EFCAB14: variants seen among roughly 807,000 people sequenced by gnomAD.
The protein encoded by EFCAB14 is EF-hand calcium-binding domain-containing protein 14.
Under a neutral mutation model 56.5 loss-of-function variants are expected in EFCAB14, and 43 were observed. That is an observed-to-expected ratio of 0.76 (90% CI 0.60 to 0.98). EFCAB14 has a LOEUF of 0.98. Ranked by LOEUF, EFCAB14 falls within the 50% of genes least tolerant of loss-of-function variation. The probability of loss-of-function intolerance (pLI) is 0.00; values close to 1 mark genes in which losing one functional copy is unlikely to be tolerated. For synonymous variants in EFCAB14, 235 were observed against 212.9 expected, an observed-to-expected ratio of 1.10 and a Z score of -0.90; for missense variants, 538 against 580.3, an observed-to-expected ratio of 0.93 and a Z score of 0.75.
intron 3 of EFCAB14, among the ~76,000 whole-genome samples, chr1:46,697,944 T>G (rs752329693): frequency 6.6e-6 from 1 of 150,952 alleles, no homozygotes; most frequent in Non-Finnish European, 1.5e-5. Flanking sequence ...CTCTGCCTCC[T>G]GGGTTCAAGT....
In EFCAB14 at chr1:46,688,438, T is replaced by C; in HGVS notation, c.902A>G (p.Asn301Ser). ...KLEGMNETVS[N>S]LTQRVNLIES... ...TATCAGGTTGACTCTCTGGGTAAGATTACTGACTGTCTCGTTCATTCCCTC... is the reference window on the plus strand; with the variant it reads ...TATCAGGTTGACTCTCTGGGTAAGACTACTGACTGTCTCGTTCATTCCCTC... Residue 301 changes from asparagine (N) to serine (S), a missense_variant, in exon 7 of 11, where the codon AAT becomes AGT. Asn to Ser is a conservative substitution (Grantham distance 46). Transcript: ENST00000371933. The C allele has an allele frequency of 6.2e-7, 1 of 1,614,046 alleles. No individual in the cohort carries two copies.
At chr1:46,696,294 A>C (rs1348915144) in intron 4 of EFCAB14, among the ~76,000 whole-genome samples, 1 of 152,184 alleles carries the variant, frequency 6.6e-6, no homozygotes, top group East Asian at 1.9e-4. Context: ...CAGAGAGCCA[A>C]ATAAAAAGGT....
intron 5 of EFCAB14, among the ~76,000 whole-genome samples, chr1:46,690,698 C>T (rs894478165): frequency 3.3e-5 from 5 of 152,072 alleles, no homozygotes; most frequent in Non-Finnish European, 5.9e-5. Context: ...AGTTACTCAG[C>T]GGCAGTTAGA....
At chr1:46,691,339 C>T (rs1398110492) in intron 5 of EFCAB14, among the ~76,000 whole-genome samples, 1 of 152,166 alleles carries the variant, frequency 6.6e-6, no homozygotes, top group African/African-American at 2.4e-5. Flanking sequence ...TTGTAGGCTG[C>T]ATTTAACTGA....
rs963782957 is a variant in EFCAB14, at chr1:46,719,046, G to T, written c.-959C>A. On this transcript the variant is annotated 5_prime_UTR_variant, in exon 1 of 11. Coordinates refer to ENST00000371933, the MANE Select transcript of EFCAB14 (RefSeq NM_014774.3). The surrounding 1 kb of genome is among the most constrained non-coding windows in gnomAD (Gnocchi z 4.0). ...CCGACACGTTGTTGTTGGCGTTGGT[G>T]GCGGCGGCTGCGGCGGCGGCGGCCG... 5 of 159,014 alleles carry T rather than the reference G, an allele frequency of 3.1e-5. No homozygotes were observed. The highest frequency in any genetic ancestry group is 1.7e-4 in the South Asian group (1 of 5,836). The allele number at this position is 159,014 out of a possible 1,614,324, so 9.9% of individuals were successfully genotyped here. A position where few individuals can be genotyped will look rare whatever the true frequency, so the allele number is the denominator to read the frequency against.
chr1:46,719,109 C>A lies in EFCAB14; in HGVS notation c.-1022G>T. The A allele has an allele frequency of 6.5e-6, 1 of 153,740 alleles. No homozygotes were observed. Among genetic ancestry groups the A allele is most frequent in the South Asian group, 1.9e-4 (1 of 5,374 alleles). 9.5% of individuals were successfully genotyped at this position (153,740 alleles called of 1,614,324 possible). On this transcript the variant is annotated 5_prime_UTR_variant, in exon 1 of 11. Coordinates refer to ENST00000371933, the MANE Select transcript of EFCAB14 (RefSeq NM_014774.3). This position sits in a 1 kb window ranked among gnomAD's most constrained non-coding sequence, Gnocchi z 4.0. ...CCGGGCCATCGCTCCAGCCCCAGAT[C>A]ACTTCCCCTTTGGCAGCGGCCGCCT...
chr1:46,701,345 T>A (rs1677154879), intron 3 of EFCAB14, among the ~76,000 whole-genome samples: 1 of 151,992 alleles, frequency 6.6e-6, no homozygotes, highest in South Asian at 2.1e-4. Context: ...CACAGTTGGT[T>A]CAAGATCAGT....
chr1:46,688,632 T>C, intron 6 of EFCAB14, 88 bp from the exon 7 acceptor site: 1 of 1,126,360 alleles, frequency 8.9e-7, no homozygotes, highest in Non-Finnish European at 1.3e-6. Flanking sequence ...CATTACTATG[T>C]CAAGTACTGA....
intron 5 of EFCAB14, among the ~76,000 whole-genome samples, chr1:46,690,463 T>C (rs1435661217): frequency 2.6e-5 from 4 of 152,112 alleles, no homozygotes; most frequent in Non-Finnish European, 2.9e-5. Flanking sequence ...GTTGTTTTCC[T>C]TGAAATCTGA....
intron 7 of EFCAB14, 89 bp downstream of exon 7, chr1:46,688,264 G>T: frequency 2.3e-6 from 3 of 1,283,546 alleles, no homozygotes; most frequent in Non-Finnish European, 2.2e-6. Context: ...TCTCAAATAT[G>T]CCAGAAGGCT....
intron 4 of EFCAB14, among the ~76,000 whole-genome samples, chr1:46,692,939 C>G (rs1006938142): frequency 3.9e-5 from 6 of 152,206 alleles, no homozygotes; most frequent in African/African-American, 1.4e-4. Context: ...CTCTCACAAA[C>G]TGCCTCTGTC....
chr1:46,704,555 T>A (rs1194561659), intron 3 of EFCAB14, among the ~76,000 whole-genome samples: 1 of 150,766 alleles, frequency 6.6e-6, no homozygotes, highest in Non-Finnish European at 1.5e-5. Context: ...AACAAGAAAG[T>A]GCCATGTATG....
Position 46,718,115 on chromosome 1 carries a change from G to A in EFCAB14, c.-28C>T, listed in dbSNP as rs1249868808. On this transcript the variant is annotated 5_prime_UTR_variant, in exon 1 of 11. Transcript: ENST00000371933. ...TTTTGTGTGGGGTGAGTGGAGCCCC[G>A]ACTCCTGAGCTGCCAGGTTCGTACC... 7.5e-6 allele frequency: 12 copies of A among 1,606,850 alleles called. No individual in the cohort carries two copies. The East Asian group carries it at 2.5e-4, about 33-fold the overall frequency.
chr1:46,683,217 T>C (rs1444074869), intron 10 of EFCAB14, 83 bp downstream of exon 10: 26 of 1,466,706 alleles, frequency 1.8e-5, no homozygotes, highest in Admixed American at 4.0e-5. Context: ...TTAGATCATA[T>C]ATATTTTTGA....
At chr1:46,689,760 G>T in intron 5 of EFCAB14, 69 bp from the exon 6 acceptor site, 1 of 1,365,852 alleles carries the variant, frequency 7.3e-7, no homozygotes, top group Non-Finnish European at 1.0e-6. Context: ...ATCTGAGATT[G>T]TCCTAGAACA....
At chr1:46,688,581 A>G in intron 6 of EFCAB14, 37 bp from the exon 7 acceptor site, 1 of 1,582,306 alleles carries the variant, frequency 6.3e-7, no homozygotes, top group Admixed American at 1.7e-5. Flanking sequence ...GAATCCACTA[A>G]AGACGTAAAT....
At chr1:46,713,253 G>T (rs1340909459) in intron 2 of EFCAB14, among the ~76,000 whole-genome samples, 1 of 152,078 alleles carries the variant, frequency 6.6e-6, no homozygotes, top group African/African-American at 2.4e-5. Context: ...GCAGGTGCTG[G>T]CATTTCTATT....
intron 2 of EFCAB14, among the ~76,000 whole-genome samples, chr1:46,715,553 T>G (rs1010419912): frequency 2.0e-5 from 3 of 152,096 alleles, no homozygotes; most frequent in Non-Finnish European, 4.4e-5. Context: ...GTTTGACAGA[T>G]GCTCCCACAT....
At chr1:46,714,269 G>A (rs1677353186) in intron 2 of EFCAB14, among the ~76,000 whole-genome samples, 1 of 152,106 alleles carries the variant, frequency 6.6e-6, no homozygotes, top group Non-Finnish European at 1.5e-5. Flanking sequence ...TTTAATTCCA[G>A]TTCTGGAGCC....
Sources: allele counts gnomAD v4.1 joint callset (sites outside exome capture counted in the v4.1 genomes callset), GRCh38; gene constraint gnomAD v4.1.1; non-coding constraint Gnocchi (gnomAD v3.1); transcripts MANE v1.5; gene names NCBI Gene and HGNC (gene_info 2026-07-23, HGNC 2026-07-21).